PPARGC1A: variants seen among roughly 807,000 people sequenced by gnomAD.
The protein encoded by PPARGC1A is peroxisome proliferator-activated receptor gamma coactivator 1-alpha.
In PPARGC1A, 25 loss-of-function variants were observed where a neutral mutation model predicts 88.7. The ratio of observed to expected loss-of-function variants is 0.28; its 90% CI spans 0.21 to 0.39. The LOEUF is 0.39. Ranked by LOEUF, PPARGC1A falls within the 10% of genes least tolerant of loss-of-function variation. The pLI is 1.00. For missense variants in PPARGC1A, 880 were observed against 968.7 expected (o/e 0.91, Z 1.22); for synonymous variants, 363 against 355.6 (o/e 1.02, Z -0.24).
At chr4:24,073,893 G>A in the PPARGC1A span, among the ~76,000 whole-genome samples, 6 of 152,110 alleles carry the variant, frequency 3.9e-5, no homozygotes, top group Admixed American at 3.9e-4. Context: ...AGCATGTGGT[G>A]GTGCAGGAAA....
chr4:24,394,324 G>C, the PPARGC1A span, among the ~76,000 whole-genome samples: 1 of 152,138 alleles, frequency 6.6e-6, no homozygotes, highest in East Asian at 1.9e-4. Flanking sequence ...GAGATCCAAG[G>C]AGCTGGCTGA....
At chr4:24,126,302 C>CACACACAG in the PPARGC1A span, among the ~76,000 whole-genome samples, 3 of 150,288 alleles carry the variant, frequency 2.0e-5, no homozygotes, top group Non-Finnish European at 3.0e-5. Flanking sequence ...CACACACACA[C>CACACACAG]AGTCATTTTT....
At chr4:24,236,938 A>G in the PPARGC1A span, among the ~76,000 whole-genome samples, 1 of 152,238 alleles carries the variant, frequency 6.6e-6, no homozygotes, top group African/African-American at 2.4e-5. Context: ...ATGCGCACTG[A>G]AAACAGTCTT....
chr4:24,198,979 G>A, the PPARGC1A span, among the ~76,000 whole-genome samples: 1 of 152,188 alleles, frequency 6.6e-6, no homozygotes, highest in Non-Finnish European at 1.5e-5. Context: ...AAGGTGGGCT[G>A]AAGGGACATA....
chr4:23,805,086 AATC>A (rs1719545543), intron 10 of PPARGC1A, among the ~76,000 whole-genome samples: 1 of 152,116 alleles, frequency 6.6e-6, no homozygotes, highest in Admixed American at 6.6e-5. Context: ...TCTGCTATAA[AATC>A]AATCAGTTAC....
At chr4:24,220,897 A>C in the PPARGC1A span, among the ~76,000 whole-genome samples, 196 of 152,328 alleles carry the variant, frequency 1.3e-3, 1 homozygote, top group African/African-American at 4.6e-3. Flanking sequence ...TAATATGTCC[A>C]TTTGTTTTAC....
the PPARGC1A span, among the ~76,000 whole-genome samples, chr4:24,027,970 C>T: frequency 2.0e-4 from 31 of 152,246 alleles, no homozygotes; most frequent in South Asian, 1.7e-3. Context: ...CTCACAGCTA[C>T]GCTCTGAAAT....
the PPARGC1A span, among the ~76,000 whole-genome samples, chr4:23,911,501 C>A: frequency 6.6e-6 from 1 of 152,158 alleles, no homozygotes. Context: ...GACATAATCA[C>A]ACCATCGACT....
At chr4:24,016,641 G>A in the PPARGC1A span, among the ~76,000 whole-genome samples, 1 of 152,058 alleles carries the variant, frequency 6.6e-6, no homozygotes, top group Non-Finnish European at 1.5e-5. Flanking sequence ...CAAGAGTTAT[G>A]AATATACTGT....
chr4:24,004,278 T>G, the PPARGC1A span, among the ~76,000 whole-genome samples: 2 of 152,066 alleles, frequency 1.3e-5, no homozygotes, highest in African/African-American at 4.8e-5. Flanking sequence ...AACAATACTT[T>G]TAAAAAGAAA....
chr4:24,057,604 G>A, the PPARGC1A span, among the ~76,000 whole-genome samples: 1 of 152,214 alleles, frequency 6.6e-6, no homozygotes, highest in Non-Finnish European at 1.5e-5. Flanking sequence ...AGACGGCAGG[G>A]AAAGCCTTGG....
chr4:24,078,717 T>C, the PPARGC1A span, among the ~76,000 whole-genome samples: 2 of 152,138 alleles, frequency 1.3e-5, no homozygotes, highest in African/African-American at 4.8e-5. Flanking sequence ...AATTTCAGTA[T>C]TATTTTAATG....
chr4:23,873,469 T>A (rs947909670), intron 2 of PPARGC1A, among the ~76,000 whole-genome samples: 1 of 152,178 alleles, frequency 6.6e-6, no homozygotes, highest in African/African-American at 2.4e-5. Flanking sequence ...CAGACTTGCA[T>A]CAGTTTCTAC....
At chr4:24,023,067 T>C in the PPARGC1A span, among the ~76,000 whole-genome samples, 1 of 152,190 alleles carries the variant, frequency 6.6e-6, no homozygotes, top group Non-Finnish European at 1.5e-5. Context: ...TCAATTCTAC[T>C]ATAAGTATTT....
At chr4:23,953,724 T>A in the PPARGC1A span, among the ~76,000 whole-genome samples, 1 of 152,014 alleles carries the variant, frequency 6.6e-6, no homozygotes, top group East Asian at 1.9e-4. Flanking sequence ...ACAGAATACT[T>A]GGGAACAAAA....
the PPARGC1A span, among the ~76,000 whole-genome samples, chr4:24,175,029 AG>A: frequency 6.6e-6 from 1 of 152,198 alleles, no homozygotes; most frequent in Non-Finnish European, 1.5e-5. Context: ...CTCGGGGCCT[AG>A]TGTATAACTT....
the PPARGC1A span, among the ~76,000 whole-genome samples, chr4:23,959,035 A>T: frequency 6.9e-6 from 1 of 145,678 alleles, no homozygotes; most frequent in South Asian, 2.2e-4. Context: ...AAAAAAAAAG[A>T]GCGAGAAAGA....
the PPARGC1A span, among the ~76,000 whole-genome samples, chr4:24,027,752 G>A: frequency 5.9e-5 from 9 of 152,110 alleles, no homozygotes; most frequent in South Asian, 4.1e-4. Context: ...AAAAATAGTC[G>A]TAATAATTAA....
chr4:24,041,430 G>A, the PPARGC1A span, among the ~76,000 whole-genome samples: 2 of 152,106 alleles, frequency 1.3e-5, no homozygotes, highest in African/African-American at 4.8e-5. Flanking sequence ...TCAGGTCCAG[G>A]TGGTCCTGGC....
Sources: allele counts gnomAD v4.1 joint callset (sites outside exome capture counted in the v4.1 genomes callset), GRCh38; gene constraint gnomAD v4.1.1; transcripts MANE v1.5; gene names NCBI Gene and HGNC (gene_info 2026-07-23, HGNC 2026-07-21).